The following CWC27 variants were observed in gnomAD, a reference collection of about 807,000 sequenced individuals.
The protein encoded by CWC27 is spliceosome-associated protein CWC27 homolog.
Under a neutral mutation model 63.6 loss-of-function variants are expected in CWC27, and 47 were observed. The ratio of observed to expected loss-of-function variants is 0.74; its 90% CI spans 0.58 to 0.94. CWC27 has a LOEUF of 0.94. CWC27 is among the 40% of genes least tolerant of loss of function. CWC27 has a pLI of 0.00. For synonymous variants in CWC27, 175 were observed against 179.8 expected (o/e 0.97, Z 0.22); for missense variants, 495 against 554.3 (o/e 0.89, Z 1.07).
chr5:64,865,112 G>A (rs1746503719), intron 10 of CWC27, among the ~76,000 whole-genome samples: 1 of 124,448 alleles, frequency 8.0e-6, no homozygotes, highest in African/African-American at 2.9e-5. Context: ...AGTGCAACAT[G>A]CTAAGGGCAT....
At chr5:64,851,185 G>C (rs1180260014) in intron 10 of CWC27, among the ~76,000 whole-genome samples, 1 of 152,192 alleles carries the variant, frequency 6.6e-6, no homozygotes, top group Non-Finnish European at 1.5e-5. Context: ...GGAAAATGTG[G>C]TGTATTGTGT....
At position 64,785,583 on chromosome 5, in the gene CWC27, G is replaced by C. The variant is rs371394386; in HGVS notation, c.495+4G>C. On this transcript the variant is annotated splice_donor_region_variant and intron_variant, in intron 5 of 13. Coordinates refer to ENST00000381070, the MANE Select transcript of CWC27 (RefSeq NM_005869.4). ...ACACAAAATAAAAAGCTGTGAGGTA[G>C]GAGCATGATTATTACGAGATACAGC... The C allele has an allele frequency of 1.5e-5, 23 of 1,560,676 alleles. No homozygotes were observed. In the African/African-American group the frequency reaches 2.9e-4, roughly 20 times the overall value.
At chr5:64,788,849 T>C in intron 6 of CWC27, 102 bp from the exon 7 acceptor site, 1 of 734,262 alleles carries the variant, frequency 1.4e-6, no homozygotes, top group Non-Finnish European at 2.3e-6. Flanking sequence ...CAGAATGTAT[T>C]TCTTCTTGTA....
At chr5:64,969,895 C>A (rs1011132483) in intron 11 of CWC27, among the ~76,000 whole-genome samples, 1 of 151,980 alleles carries the variant, frequency 6.6e-6, no homozygotes, top group East Asian at 1.9e-4. Flanking sequence ...GGAGAATTAA[C>A]AAGAACGGAG....
chr5:64,877,435 A>C (rs1481242084), intron 10 of CWC27, among the ~76,000 whole-genome samples: 1 of 151,972 alleles, frequency 6.6e-6, no homozygotes. Flanking sequence ...GGGGATGAAG[A>C]GAGATTGGGT....
intron 10 of CWC27, among the ~76,000 whole-genome samples, chr5:64,830,001 A>AT (rs1018676883): frequency 2.2e-4 from 25 of 114,308 alleles, no homozygotes; most frequent in East Asian, 2.1e-3. Flanking sequence ...TCGCTATGCC[A>AT]TTTTTTTTTC....
chr5:64,791,089 T>C (rs921519192), intron 7 of CWC27, among the ~76,000 whole-genome samples: 2 of 152,182 alleles, frequency 1.3e-5, no homozygotes, highest in Non-Finnish European at 2.9e-5. Context: ...GGGAAGGCAG[T>C]TGGCCCGTTG....
intron 11 of CWC27, among the ~76,000 whole-genome samples, chr5:64,954,902 C>T (rs1225031012): frequency 6.6e-6 from 1 of 151,726 alleles, no homozygotes; most frequent in Non-Finnish European, 1.5e-5. Flanking sequence ...TAGGTAAGCC[C>T]CATGATAAGC....
chr5:64,788,511 A>G (rs1182927541), intron 6 of CWC27, among the ~76,000 whole-genome samples: 4 of 151,954 alleles, frequency 2.6e-5, no homozygotes, highest in African/African-American at 9.7e-5. Flanking sequence ...TTGTATACAT[A>G]TTAATTTTAA....
At chr5:64,901,578 A>G (rs1314408761) in intron 11 of CWC27, among the ~76,000 whole-genome samples, 1 of 152,152 alleles carries the variant, frequency 6.6e-6, no homozygotes, top group Non-Finnish European at 1.5e-5. Context: ...GTGGTGAGTT[A>G]ATATGAAGGC....
At position 64,953,925 on chromosome 5, in the gene CWC27, G is replaced by C. The variant is rs140709248; in HGVS notation, c.1043-17778G>C. On this transcript the variant is annotated intron_variant, in intron 11 of 13. Transcript: ENST00000381070. ...CCAGTTACTCAGCCAACTCTGCTTTGTCCTTGCCATCTTCCCACTCACTCT... is the reference window on the plus strand; with the variant it reads ...CCAGTTACTCAGCCAACTCTGCTTTCTCCTTGCCATCTTCCCACTCACTCT... Among the ~76,000 whole-genome samples the C allele has an allele frequency of 7.2e-4, 109 of 152,210 alleles. No homozygotes were observed. The East Asian group carries it at 0.019, about 26-fold the overall frequency.
chr5:64,945,509 T>C (rs1748576097), intron 11 of CWC27, among the ~76,000 whole-genome samples: 1 of 152,158 alleles, frequency 6.6e-6, no homozygotes, highest in Admixed American at 6.6e-5. Context: ...GATAGAAGAA[T>C]TATTACTTGG....
rs1195556085 is a variant in CWC27 at position 64,990,295 on chromosome 5, C to T, written c.1256+13057C>T. Among the ~76,000 whole-genome samples, 9 of 31,336 alleles carry T rather than the reference C, an allele frequency of 2.9e-4. 3 individuals are homozygous for T. The highest frequency in any genetic ancestry group is 1.2e-3 in the African/African-American group (9 of 7,242). The allele number at this position is 31,336 out of a possible 152,430, so 20.6% of individuals were successfully genotyped here. ...TTTTTTTTTTTTTGAGACGGAGTCT[C>T]GCTCTATCACCCAGGCTGGAGTGCA... On this transcript the variant is annotated intron_variant, in intron 13 of 13. Transcript: ENST00000381070.
At chr5:64,996,550 A>G (rs1376785692) in intron 13 of CWC27, among the ~76,000 whole-genome samples, 5 of 151,162 alleles carry the variant, frequency 3.3e-5, no homozygotes, top group Non-Finnish European at 7.4e-5. Context: ...GTTGTGCCCA[A>G]ATTATACTGG....
chr5:65,009,900 T>C (rs1332985358), intron 13 of CWC27, among the ~76,000 whole-genome samples: 1 of 152,280 alleles, frequency 6.6e-6, no homozygotes, highest in Non-Finnish European at 1.5e-5. Context: ...ATGTTTGGAT[T>C]GCACTTTGCC....
At chr5:64,996,006 G>C (rs1383251891) in intron 13 of CWC27, among the ~76,000 whole-genome samples, 1 of 152,184 alleles carries the variant, frequency 6.6e-6, no homozygotes, top group African/African-American at 2.4e-5. Flanking sequence ...CAAAGTAATG[G>C]AAAAGATCAC....
chr5:64,968,114 T>C (rs1014385288), intron 11 of CWC27, among the ~76,000 whole-genome samples: 8 of 151,898 alleles, frequency 5.3e-5, no homozygotes, highest in Non-Finnish European at 1.2e-4. Context: ...AGAAGATACA[T>C]AAATGGCCAA....
chr5:64,928,341 C>T (rs1406089654), intron 11 of CWC27, among the ~76,000 whole-genome samples: 1 of 152,076 alleles, frequency 6.6e-6, no homozygotes, highest in Non-Finnish European at 1.5e-5. Flanking sequence ...CAGTTGAAAA[C>T]TCACTTAAGT....
intron 10 of CWC27, 149 bp downstream of exon 10, chr5:64,804,535 AG>A: frequency 1.4e-6 from 1 of 729,060 alleles, no homozygotes; most frequent in South Asian, 2.7e-5. Flanking sequence ...GCCCATTAGC[AG>A]GCCTAAAATA....
Sources: allele counts gnomAD v4.1 joint callset (sites outside exome capture counted in the v4.1 genomes callset), GRCh38; gene constraint gnomAD v4.1.1; transcripts MANE v1.5; gene names NCBI Gene and HGNC (gene_info 2026-07-23, HGNC 2026-07-21).